Variants in LRRC4C observed in about 807,000 individuals in gnomAD.
LRRC4C encodes the protein leucine-rich repeat-containing protein 4C.
LRRC4C carries 5 observed loss-of-function variants against 33.6 expected under a neutral mutation model. That is an observed-to-expected ratio of 0.15 (90% CI 0.08 to 0.31). The LOEUF (loss-of-function observed/expected upper bound fraction) is 0.31. LRRC4C is among the 10% of genes least tolerant of loss of function. LRRC4C has a pLI of 1.00. For synonymous variants in LRRC4C, 329 were observed against 302.0 expected (o/e 1.09, Z -0.93); for missense variants, 560 against 796.7 (o/e 0.70, Z 3.58).
chr11:40,401,676 T>C (rs1382686128), intron 3 of LRRC4C, among the ~76,000 whole-genome samples: 2 of 151,984 alleles, frequency 1.3e-5, no homozygotes, highest in African/African-American at 4.8e-5. Context: ...TCCACATGAG[T>C]GTGTGTTGCC....
chr11:40,415,968 T>C (rs1950310905), intron 3 of LRRC4C, among the ~76,000 whole-genome samples: 1 of 152,220 alleles, frequency 6.6e-6, no homozygotes, highest in Admixed American at 6.5e-5. Flanking sequence ...TTAAATGCTT[T>C]TATATTTGAA....
intron 1 of LRRC4C, among the ~76,000 whole-genome samples, chr11:40,936,065 T>TAA (rs545541105): frequency 0.068 from 5,146 of 75,490 alleles, 913 homozygotes; most frequent in Non-Finnish European, 0.1. Flanking sequence ...TATATATATA[T>TAA]AACATAGTTT....
intron 3 of LRRC4C, among the ~76,000 whole-genome samples, chr11:40,414,919 G>A (rs1420855759): frequency 6.6e-6 from 1 of 151,992 alleles, no homozygotes; most frequent in South Asian, 2.1e-4. Flanking sequence ...CACGAGGAGC[G>A]GAATAAACAG....
rs141573323 is a variant in LRRC4C, at chr11:40,514,122, A to G, written c.-270+134020T>C. 2.6e-4 allele frequency among the ~76,000 whole-genome samples: 40 copies of G among 152,304 alleles called. No individual in the cohort carries two copies. In the East Asian group the frequency reaches 7.7e-3, roughly 29 times the overall value. ...TTACCTATTCCAGCAAAACTATGTG[A>G]TCCTTACAGTAGAGTGACAAAGACC... is the stretch of plus-strand genomic sequence containing the variant. On this transcript the variant is annotated intron_variant, in intron 3 of 6. Coordinates refer to ENST00000528697, the MANE Select transcript of LRRC4C (RefSeq NM_001258419.2).
chr11:41,338,728 A>T (rs995273393), intron 1 of LRRC4C, among the ~76,000 whole-genome samples: 1 of 152,188 alleles, frequency 6.6e-6, no homozygotes, highest in African/African-American at 2.4e-5. Context: ...AAAATTAAAA[A>T]ATAAATGCTT....
At chr11:41,410,731 C>T (rs1345341332) in intron 1 of LRRC4C, among the ~76,000 whole-genome samples, 3 of 152,076 alleles carry the variant, frequency 2.0e-5, no homozygotes, top group Non-Finnish European at 4.4e-5. Context: ...TGAGCCACCG[C>T]GCCTGGCCGA....
intron 4 of LRRC4C, among the ~76,000 whole-genome samples, chr11:40,285,533 T>A (rs965182030): frequency 2.0e-5 from 3 of 152,210 alleles, no homozygotes; most frequent in Non-Finnish European, 2.9e-5. Context: ...AATTTCTAGA[T>A]GCCTTATAAC....
chr11:40,232,217 G>T (rs11035745), intron 5 of LRRC4C, among the ~76,000 whole-genome samples: 26,507 of 152,148 alleles, frequency 0.17, 2,677 homozygotes, highest in Admixed American at 0.28. Context: ...TGTTGGGCAG[G>T]CTGGTCTCGA....
chr11:40,873,976 T>C (rs1441316622), intron 2 of LRRC4C, among the ~76,000 whole-genome samples: 2 of 152,182 alleles, frequency 1.3e-5, no homozygotes, highest in Non-Finnish European at 2.9e-5. Context: ...AGAGTAGATA[T>C]AATGTATATA....
At chr11:40,604,684 G>T (rs1327152100) in intron 3 of LRRC4C, among the ~76,000 whole-genome samples, 1 of 151,608 alleles carries the variant, frequency 6.6e-6, no homozygotes, top group Non-Finnish European at 1.5e-5. Flanking sequence ...ACAACACAAA[G>T]GTATTATATT....
At chr11:40,232,831 C>A (rs923064722) in intron 5 of LRRC4C, among the ~76,000 whole-genome samples, 3 of 152,296 alleles carry the variant, frequency 2.0e-5, no homozygotes, top group Admixed American at 2.0e-4. Context: ...CACATCTTGC[C>A]TGGACTACTG....
intron 2 of LRRC4C, among the ~76,000 whole-genome samples, chr11:40,916,628 C>A (rs1478803677): frequency 4.6e-5 from 7 of 151,858 alleles, no homozygotes; most frequent in African/African-American, 1.7e-4. Context: ...AGCACACCAA[C>A]ATGGCACATG....
chr11:41,192,758 G>T (rs900566452), intron 1 of LRRC4C, among the ~76,000 whole-genome samples: 1 of 152,072 alleles, frequency 6.6e-6, no homozygotes, highest in Non-Finnish European at 1.5e-5. Context: ...TAAATCCAAA[G>T]TAAGGTTAAG....
intron 2 of LRRC4C, among the ~76,000 whole-genome samples, chr11:40,803,265 A>G (rs530749982): frequency 6.6e-6 from 1 of 152,328 alleles, no homozygotes; most frequent in Non-Finnish European, 1.5e-5. Context: ...AGGCACAAAA[A>G]GATTAAGTAA....
At chr11:40,768,414 C>T (rs1470852564) in intron 2 of LRRC4C, among the ~76,000 whole-genome samples, 1 of 152,028 alleles carries the variant, frequency 6.6e-6, no homozygotes, top group Admixed American at 6.6e-5. Context: ...CAATCCTACT[C>T]AAACTATTCT....
intron 1 of LRRC4C, among the ~76,000 whole-genome samples, chr11:41,372,785 CAAAAAA>C (rs33945657): frequency 1.7e-5 from 2 of 118,070 alleles, no homozygotes; most frequent in African/African-American, 3.4e-5. Context: ...AAGAGGGCAC[CAAAAAA>C]AAAAAAAAAA....
chr11:41,329,762 T>A (rs1294619316), intron 1 of LRRC4C, among the ~76,000 whole-genome samples: 5 of 152,178 alleles, frequency 3.3e-5, no homozygotes, highest in Admixed American at 3.3e-4. Context: ...TGTGGAGCTT[T>A]TTTGTTGTCA....
intron 1 of LRRC4C, among the ~76,000 whole-genome samples, chr11:40,993,491 A>T (rs1853737698): frequency 1.3e-5 from 2 of 152,156 alleles, no homozygotes; most frequent in African/African-American, 2.4e-5. Flanking sequence ...ACAAAACAGA[A>T]AATTAAAAAT....
At chr11:41,414,611 G>A (rs1003313510) in intron 1 of LRRC4C, among the ~76,000 whole-genome samples, 3 of 151,838 alleles carry the variant, frequency 2.0e-5, no homozygotes, top group African/African-American at 4.8e-5. Flanking sequence ...GGTTTTTGGA[G>A]AGGTTCAGAA....
Sources: allele counts gnomAD v4.1 joint callset (sites outside exome capture counted in the v4.1 genomes callset), GRCh38; gene constraint gnomAD v4.1.1; transcripts MANE v1.5; gene names NCBI Gene and HGNC (gene_info 2026-07-23, HGNC 2026-07-21).